The following SMARCE1 variants were observed in gnomAD, a reference collection of about 807,000 sequenced individuals.
SMARCE1 encodes the protein SWI/SNF-related matrix-associated actin-dependent regulator of chromatin subfamily E member 1.
Under a neutral mutation model 54.9 loss-of-function variants are expected in SMARCE1, and 13 were observed. That is an observed-to-expected ratio of 0.24 (90% CI 0.15 to 0.38). The LOEUF is 0.38. Among genes scored for constraint, SMARCE1 ranks in the 10% least tolerant of loss-of-function variants. The pLI, the probability that SMARCE1 is intolerant of heterozygous loss-of-function variation, is 1.00. For synonymous variants in SMARCE1, 151 were observed against 175.3 expected, an observed-to-expected ratio of 0.86 and a Z score of 1.10; for missense variants, 295 against 523.8, an observed-to-expected ratio of 0.56 and a Z score of 4.26.
intron 1 of SMARCE1, 79 bp downstream of exon 1, chr17:40,647,693 CG>C (rs2037275086): frequency 1.3e-5 from 2 of 152,798 alleles, no homozygotes; most frequent in Admixed American, 1.3e-4. Flanking sequence ...CAGCAACCCC[CG>C]GGAACTCGGG....
Position 40,626,987 on chromosome 17 carries a change from C to G in SMARCE1, c.*1798G>C, listed in dbSNP as rs1281511232. The stretch of plus-strand genomic sequence containing the variant: ...GCCGGGCAAAAGAACCACTTCCATT[C>G]TCTTAGAGCTTTCGATACCACAGTA... On this transcript the variant is annotated 3_prime_UTR_variant, in exon 11 of 11. Transcript: ENST00000348513. The G allele has an allele frequency of 6.6e-6, 1 of 152,122 alleles. No homozygotes were observed. The highest frequency in any genetic ancestry group is 2.4e-5 in the African/African-American group (1 of 41,402). The allele number at this position is 152,122 out of a possible 1,614,324, so 9.4% of individuals were successfully genotyped here.
At position 40,644,098 on chromosome 17, in the gene SMARCE1, TA is replaced by T. The variant is rs563508751; in HGVS notation, c.51+1477del. The T allele has an allele frequency of 1.7e-3, 265 of 152,418 alleles. 2 individuals carry two copies. Among genetic ancestry groups the T allele is most frequent in the African/African-American group, 6.3e-3 (262 of 41,568 alleles). 9.4% of individuals were successfully genotyped at this position (152,418 alleles called of 1,614,324 possible). A position where few individuals can be genotyped will look rare whatever the true frequency, so the allele number is the denominator to read the frequency against. ...CCCTAGTCTTCTATATTTTGTGTGTTAATGTGAAACTATAATGACACAAAAA... is the reference window on the plus strand; with the variant it reads ...CCCTAGTCTTCTATATTTTGTGTGTTATGTGAAACTATAATGACACAAAAA... On this transcript the variant is annotated intron_variant, in intron 3 of 10. Coordinates refer to ENST00000348513, the MANE Select transcript of SMARCE1 (RefSeq NM_003079.5).
intron 10 of SMARCE1, chr17:40,630,350 C>G: frequency 5.4e-6 from 4 of 740,930 alleles, no homozygotes; most frequent in Non-Finnish European, 9.7e-6. Context: ...GTTGCAACTA[C>G]TCAACTATAC....
Position 40,632,235 on chromosome 17 carries a change from T to C in SMARCE1, c.674A>G (p.Gln225Arg). 6.2e-7 allele frequency: 1 copy of C among 1,613,784 alleles called. No homozygotes were observed. Among genetic ancestry groups the C allele is most frequent in the East Asian group, 2.2e-5 (1 of 44,888 alleles). ...VRSVVTTARMQVLKRQVQSLM... is the reference protein window; with the variant it reads ...VRSVVTTARMRVLKRQVQSLM... ...GGACTGGACCTGCCGTTTGAGGACCTGCATTCTAGCTGTTGTGACAACTGA... is the reference window on the plus strand; with the variant it reads ...GGACTGGACCTGCCGTTTGAGGACCCGCATTCTAGCTGTTGTGACAACTGA... Residue 225 changes from glutamine to arginine, a missense_variant, in exon 8 of 11, where the codon CAG (glutamine) becomes CGG (arginine). Around this residue, in one of 5 missense-constraint regions of SMARCE1, gnomAD observed 101 missense variants for 183.1 expected, o/e 0.55. Coordinates refer to ENST00000348513, the MANE Select transcript of SMARCE1 (RefSeq NM_003079.5).
At chr17:40,647,312 G>C (rs1301234463) in intron 1 of SMARCE1, 1 of 152,276 alleles carries the variant, frequency 6.6e-6, no homozygotes, top group Non-Finnish European at 1.5e-5. Flanking sequence ...TAAACAACTT[G>C]TCTGAAGCCA....
In SMARCE1 at chr17:40,630,977, C is replaced by A. The variant is rs1454938079; in HGVS notation, c.817-53G>T. On this transcript the variant is annotated intron_variant, in intron 9 of 10. Transcript: ENST00000348513. Reference sequence around the variant, plus strand: ...ATGTTTTTTCCTTATAATTTTTGAGCCAGATATATTCTTTCAAAAGTTGGT... The same window carrying A: ...ATGTTTTTTCCTTATAATTTTTGAGACAGATATATTCTTTCAAAAGTTGGT... 17 of 1,462,300 alleles carry A rather than the reference C, an allele frequency of 1.2e-5. No individual in the cohort carries two copies. In the South Asian group the frequency reaches 1.7e-4, roughly 14 times the overall value. 90.6% of individuals were successfully genotyped at this position (1,462,300 alleles called of 1,614,324 possible).
chr17:40,647,299 G>C (rs1194882434), intron 1 of SMARCE1: 4 of 152,386 alleles, frequency 2.6e-5, no homozygotes, highest in African/African-American at 9.6e-5. Flanking sequence ...GTCTCGGAAA[G>C]TTTAAACAAC....
rs1381852392 is a variant in SMARCE1 at position 40,626,353 on chromosome 17, G to GT, written c.*2431dup. The stretch of plus-strand genomic sequence containing the variant: ...TAAATGCACTAAAAATCAAGGAGCA[G>GT]TAAGGGCACCAAGAAAGAGCAGTTT... On this transcript the variant is annotated 3_prime_UTR_variant, in exon 11 of 11. Coordinates refer to ENST00000348513, the MANE Select transcript of SMARCE1 (RefSeq NM_003079.5). 1 of 152,178 alleles carries GT rather than the reference G, an allele frequency of 6.6e-6. No homozygotes were observed. Among genetic ancestry groups the GT allele is most frequent in the East Asian group, 1.9e-4 (1 of 5,202 alleles). The allele number at this position is 152,178 out of a possible 1,614,324, so 9.4% of individuals were successfully genotyped here.
At chr17:40,638,095 A>G (rs1467770545) in intron 4 of SMARCE1, among the ~76,000 whole-genome samples, 1 of 152,144 alleles carries the variant, frequency 6.6e-6, no homozygotes, top group East Asian at 1.9e-4. Context: ...GAAATAACAA[A>G]CCACCTTACC....
At chr17:40,637,949 C>T (rs934300252) in intron 4 of SMARCE1, among the ~76,000 whole-genome samples, 3 of 152,172 alleles carry the variant, frequency 2.0e-5, no homozygotes, top group Non-Finnish European at 4.4e-5. Flanking sequence ...ACTTGATTAT[C>T]TGCAGCAGGA....
At position 40,627,634 on chromosome 17, in the gene SMARCE1, C is replaced by G. The variant is rs977514083; in HGVS notation, c.*1151G>C. ...ATAATGGCTGAGTGGTCATTCCACA[C>G]TGTCACTGCATTACAGAAAAAAACT... On this transcript the variant is annotated 3_prime_UTR_variant, in exon 11 of 11. Coordinates refer to ENST00000348513, the MANE Select transcript of SMARCE1 (RefSeq NM_003079.5). 3.3e-5 allele frequency: 5 copies of G among 152,574 alleles called. No homozygotes were observed. Among genetic ancestry groups the G allele is most frequent in the African/African-American group, 1.2e-4 (5 of 41,454 alleles). The allele number at this position is 152,574 out of a possible 1,614,324, so 9.5% of individuals were successfully genotyped here.
In SMARCE1 at chr17:40,625,637, CAACT is replaced by C. The variant is rs1300749728; in HGVS notation, c.*3144_*3147del. The C allele has an allele frequency of 4.6e-5, 7 of 152,180 alleles. No individual in the cohort carries two copies. The highest frequency in any genetic ancestry group is 3.9e-4 in the Admixed American group (6 of 15,280). The allele number at this position is 152,180 out of a possible 1,614,324, so 9.4% of individuals were successfully genotyped here. ...AATAGGAGTTTCACACTGTCAGCAC[CAACT>C]GTCTAAAATCCAAAACTAGTATCTA... On this transcript the variant is annotated 3_prime_UTR_variant, in exon 11 of 11. Transcript: ENST00000348513.
intron 3 of SMARCE1, chr17:40,644,295 G>T (rs2037229526): frequency 6.7e-6 from 1 of 149,886 alleles, no homozygotes; most frequent in Non-Finnish European, 1.5e-5. Flanking sequence ...TAAATAATAA[G>T]AATCACTGTT....
Position 40,631,712 on chromosome 17 carries a change from C to A in SMARCE1, c.715-19G>T. The A allele has an allele frequency of 7.1e-7, 1 of 1,398,876 alleles. No homozygotes were observed. Among genetic ancestry groups the A allele is most frequent in the Non-Finnish European group, 1.0e-6 (1 of 986,666 alleles). The allele number at this position is 1,398,876 out of a possible 1,614,324, so 86.7% of individuals were successfully genotyped here. On this transcript the variant is annotated intron_variant, in intron 8 of 10. Transcript: ENST00000348513. ...GTTTTCGCTGCAAGACAGGATCAGG[C>A]TTCATAATTGTGTCTCATTTTTTAA...
intron 2 of SMARCE1, 45 bp downstream of exon 2, chr17:40,645,751 G>A: frequency 1.8e-6 from 2 of 1,094,582 alleles, no homozygotes; most frequent in Non-Finnish European, 2.5e-6. Flanking sequence ...TAGGGCATTA[G>A]TCTCTTATTA....
chr17:40,633,708 T>TA (rs2037118911), intron 7 of SMARCE1: 1 of 152,228 alleles, frequency 6.6e-6, no homozygotes, highest in Non-Finnish European at 1.5e-5. Flanking sequence ...TGTAAAAAGT[T>TA]AAAAAAATTA....
chr17:40,639,138 CA>C (rs1306061511), intron 4 of SMARCE1, among the ~76,000 whole-genome samples: 6 of 152,092 alleles, frequency 3.9e-5, no homozygotes, highest in Admixed American at 2.0e-4. Context: ...GTGAGATGGC[CA>C]GGGGCATGGA....
In SMARCE1 at chr17:40,626,548, A is replaced by G. The variant is rs1167425726; in HGVS notation, c.*2237T>C. ...TCTGACCAAGTGGATTTTTACATCA[A>G]TCTTCCCCTGCTGAGGTTCAGAGCT... On this transcript the variant is annotated 3_prime_UTR_variant, in exon 11 of 11. Coordinates refer to ENST00000348513, the MANE Select transcript of SMARCE1 (RefSeq NM_003079.5). 4 of 152,102 alleles carry G rather than the reference A, an allele frequency of 2.6e-5. No individual in the cohort carries two copies. Among genetic ancestry groups the G allele is most frequent in the Non-Finnish European group, 5.9e-5 (4 of 68,066 alleles). The allele number at this position is 152,102 out of a possible 1,614,324, so 9.4% of individuals were successfully genotyped here.
chr17:40,628,137 A>G lies in SMARCE1; in HGVS notation c.*648T>C, dbSNP rs1325121419. 1.3e-5 allele frequency: 2 copies of G among 152,650 alleles called. No homozygotes were observed. The highest frequency in any genetic ancestry group is 2.9e-5 in the Non-Finnish European group (2 of 68,060). The allele number at this position is 152,650 out of a possible 1,614,324, so 9.5% of individuals were successfully genotyped here. The stretch of plus-strand genomic sequence containing the variant: ...CATACCCAGTATTAATCATAACAAA[A>G]AGCAGTATAGATAATGTATATGTGC... On this transcript the variant is annotated 3_prime_UTR_variant, in exon 11 of 11. Transcript: ENST00000348513.
Sources: gnomAD v4.1 joint callset for allele counts (sites outside exome capture counted in the v4.1 genomes callset) on GRCh38, gnomAD v4.1.1 for gene constraint, gnomAD v4.1.1 regional missense constraint, MANE v1.5 for transcripts, NCBI Gene and HGNC (gene_info 2026-07-23, HGNC 2026-07-21) for gene names.